Variants in RALGAPA1 observed in about 807,000 individuals in gnomAD.
The protein encoded by RALGAPA1 is Ral GTPase activating protein catalytic subunit alpha 1.
In RALGAPA1, 52 loss-of-function variants were observed where a neutral mutation model predicts 269.6. The observed-to-expected ratio is 0.19, with a 90% confidence interval of 0.15 to 0.24. The LOEUF (loss-of-function observed/expected upper bound fraction) is 0.24, where lower values mean the gene tolerates loss of function less well. RALGAPA1 is among the 10% of genes least tolerant of loss of function. RALGAPA1 has a pLI of 1.00. For synonymous variants in RALGAPA1, 817 were observed against 1,008.3 expected (o/e 0.81, Z 3.60); for missense variants, 1,917 against 3,013.9 (o/e 0.64, Z 8.52).
rs561577219 is a variant in RALGAPA1, at chr14:35,643,829, T to C, written c.5676+7976A>G. Among the ~76,000 whole-genome samples, 3 of 152,086 alleles carry C rather than the reference T, an allele frequency of 2.0e-5. No individual in the cohort carries two copies. The South Asian group carries it at 6.2e-4, about 32-fold the overall frequency. On this transcript the variant is annotated intron_variant, in intron 31 of 41. Coordinates refer to ENST00000680220, the MANE Select transcript of RALGAPA1 (RefSeq NM_001346249.2). ...CTCTCACTTATCTGTGGGAGATAAA[T>C]ATGAAAACAACTGAACTCATGGAGA...
chr14:35,731,302 T>C (rs1487414756), intron 12 of RALGAPA1, among the ~76,000 whole-genome samples: 1 of 151,936 alleles, frequency 6.6e-6, no homozygotes, highest in Non-Finnish European at 1.5e-5. Flanking sequence ...GAAAACCAAC[T>C]CTGGTAATAT....
chr14:35,614,112 A>C (rs2060112054), intron 35 of RALGAPA1, among the ~76,000 whole-genome samples: 1 of 152,154 alleles, frequency 6.6e-6, no homozygotes, highest in South Asian at 2.1e-4. Flanking sequence ...AGTATGTAAC[A>C]CTCATACACC....
chr14:35,669,737 T>G (rs2064241004), intron 26 of RALGAPA1, among the ~76,000 whole-genome samples: 1 of 152,246 alleles, frequency 6.6e-6, no homozygotes, highest in Non-Finnish European at 1.5e-5. Flanking sequence ...ATTCTGTAGT[T>G]GTTAATATAC....
chr14:35,730,628 G>C (rs1156968315), intron 12 of RALGAPA1, among the ~76,000 whole-genome samples: 2 of 149,590 alleles, frequency 1.3e-5, no homozygotes, highest in Non-Finnish European at 3.0e-5. Context: ...TGAGTTCCCT[G>C]ACAACCTGCA....
intron 9 of RALGAPA1, among the ~76,000 whole-genome samples, chr14:35,749,939 G>A (rs907618056): frequency 6.6e-6 from 1 of 152,062 alleles, no homozygotes; most frequent in Non-Finnish European, 1.5e-5. Context: ...AAAAATGTAC[G>A]AGGGAAAATA....
chr14:35,791,904 CAAAAA>C (rs773722682), intron 1 of RALGAPA1, among the ~76,000 whole-genome samples: 1 of 11,774 alleles, frequency 8.5e-5, no homozygotes, highest in African/African-American at 2.3e-4. Context: ...GACTCTGTCT[CAAAAA>C]AAAAAAAAAA....
chr14:35,660,442 T>C (rs1009809707), intron 27 of RALGAPA1, among the ~76,000 whole-genome samples: 3 of 151,884 alleles, frequency 2.0e-5, no homozygotes, highest in African/African-American at 4.8e-5. Context: ...GGAATACGTA[T>C]AACAAAAGAG....
At chr14:35,580,542 T>A (rs183917316) in intron 37 of RALGAPA1, among the ~76,000 whole-genome samples, 3 of 152,310 alleles carry the variant, frequency 2.0e-5, no homozygotes, top group Admixed American at 6.5e-5. Context: ...TTTGGCTAAT[T>A]TGCTCAAGAA....
chr14:35,559,373 AGTT>A (rs2055943537), intron 39 of RALGAPA1, among the ~76,000 whole-genome samples: 1 of 152,170 alleles, frequency 6.6e-6, no homozygotes, highest in African/African-American at 2.4e-5. Context: ...CTGAATCTAC[AGTT>A]GTTTTCATAT....
chr14:35,778,414 A>T (rs1375320648), intron 1 of RALGAPA1, among the ~76,000 whole-genome samples: 1 of 152,162 alleles, frequency 6.6e-6, no homozygotes, highest in Non-Finnish European at 1.5e-5. Flanking sequence ...CTGCCATTCC[A>T]AAAGGAAAGG....
intron 39 of RALGAPA1, among the ~76,000 whole-genome samples, chr14:35,555,312 A>AT (rs1241258979): frequency 1.3e-5 from 2 of 152,154 alleles, no homozygotes; most frequent in Non-Finnish European, 2.9e-5. Flanking sequence ...AATTGTTTAA[A>AT]TTTTTTTCAT....
At chr14:35,696,238 C>T (rs1449383031) in intron 17 of RALGAPA1, among the ~76,000 whole-genome samples, 1 of 152,034 alleles carries the variant, frequency 6.6e-6, no homozygotes, top group Non-Finnish European at 1.5e-5. Context: ...TGGGCAACAA[C>T]CCTGTCTCTA....
intron 26 of RALGAPA1, 127 bp from the exon 27 acceptor site, chr14:35,664,894 G>A: frequency 1.4e-5 from 10 of 740,472 alleles, no homozygotes; most frequent in African/African-American, 3.6e-5. Context: ...AAAAGGAAAG[G>A]GAAAACACAA....
intron 3 of RALGAPA1, among the ~76,000 whole-genome samples, chr14:35,772,298 C>T (rs1240337331): frequency 6.6e-6 from 1 of 152,134 alleles, no homozygotes; most frequent in Non-Finnish European, 1.5e-5. Flanking sequence ...TCAAGCAATC[C>T]TCCTGCCTTG....
At chr14:35,704,023 A>G (rs533614511) in intron 16 of RALGAPA1, among the ~76,000 whole-genome samples, 50 of 152,154 alleles carry the variant, frequency 3.3e-4, no homozygotes, top group African/African-American at 1.2e-3. Flanking sequence ...GAGGAAGGCA[A>G]CTCCAGAATT....
intron 1 of RALGAPA1, among the ~76,000 whole-genome samples, chr14:35,796,589 GACTCCTCAACACCA>G (rs2076576771): frequency 1.3e-5 from 2 of 152,070 alleles, no homozygotes; most frequent in Admixed American, 1.3e-4. Flanking sequence ...ATGATAATCA[GACTCCTCAACACCA>G]GTGATGAAGA....
intron 31 of RALGAPA1, among the ~76,000 whole-genome samples, chr14:35,642,157 T>C (rs2139846952): frequency 6.6e-6 from 1 of 152,190 alleles, no homozygotes; most frequent in African/African-American, 2.4e-5. Flanking sequence ...AAGAAAACAT[T>C]GAGGAAACTC....
At chr14:35,739,515 T>G (rs561283882) in intron 11 of RALGAPA1, among the ~76,000 whole-genome samples, 2 of 152,258 alleles carry the variant, frequency 1.3e-5, no homozygotes, top group East Asian at 3.9e-4. Context: ...TCAGATATTT[T>G]AAAATAAGTT....
intron 35 of RALGAPA1, among the ~76,000 whole-genome samples, chr14:35,624,825 A>G (rs2060887604): frequency 6.6e-6 from 1 of 152,176 alleles, no homozygotes; most frequent in Non-Finnish European, 1.5e-5. Context: ...TAAACATGGG[A>G]AAAACCAAAG....
Sources: gnomAD v4.1 joint callset for allele counts (sites outside exome capture counted in the v4.1 genomes callset) on GRCh38, gnomAD v4.1.1 for gene constraint, MANE v1.5 for transcripts, NCBI Gene and HGNC (gene_info 2026-07-23, HGNC 2026-07-21) for gene names.